NEMP2: variants seen among roughly 807,000 people sequenced by gnomAD.
NEMP2 encodes UPF0571 transmembrane protein.
A neutral mutation model predicts 54.2 loss-of-function variants in NEMP2; 53 were observed. The observed-to-expected ratio is 0.98, with a 90% CI of 0.78 to 1.23. NEMP2 has a LOEUF of 1.23. Among genes scored for constraint, NEMP2 ranks in the 50% most tolerant of loss-of-function variants. The pLI, the probability that NEMP2 is intolerant of heterozygous loss-of-function variation, is 0.00. For synonymous variants in NEMP2, 197 were observed against 190.3 expected (o/e 1.04, Z -0.29); for missense variants, 455 against 511.3 (o/e 0.89, Z 1.06).
chr2:190,556,759 A>C, the NEMP2 span, among the ~76,000 whole-genome samples: 1 of 152,224 alleles, frequency 6.6e-6, no homozygotes, highest in Non-Finnish European at 1.5e-5. Flanking sequence ...CTAGGAATAC[A>C]ACTTACAAGG....
chr2:190,478,014 T>C, the NEMP2 span, among the ~76,000 whole-genome samples: 2 of 152,166 alleles, frequency 1.3e-5, no homozygotes, highest in African/African-American at 2.4e-5. Flanking sequence ...ATAAGTGGTG[T>C]GCCGGGGCTA....
chr2:190,550,575 C>T, the NEMP2 span, among the ~76,000 whole-genome samples: 1 of 152,170 alleles, frequency 6.6e-6, no homozygotes, highest in African/African-American at 2.4e-5. This position sits in a 1 kb window ranked among gnomAD's most constrained non-coding sequence, Gnocchi z 4.7. Context: ...AATAATAATA[C>T]ACATACTACT....
chr2:190,441,395 T>C, the NEMP2 span, among the ~76,000 whole-genome samples: 1 of 151,786 alleles, frequency 6.6e-6, no homozygotes, highest in South Asian at 2.1e-4. Context: ...AGCTTCCTAG[T>C]TGATTCTAGT....
chr2:190,470,594 G>A, the NEMP2 span, among the ~76,000 whole-genome samples: 12 of 152,138 alleles, frequency 7.9e-5, no homozygotes, highest in Non-Finnish European at 4.4e-5. Context: ...GACGGTCCAG[G>A]CTACTAAATC....
At chr2:190,431,815 AT>A in the NEMP2 span, among the ~76,000 whole-genome samples, 1 of 152,042 alleles carries the variant, frequency 6.6e-6, no homozygotes, top group Admixed American at 6.6e-5. This position sits in a 1 kb window ranked among gnomAD's most constrained non-coding sequence, Gnocchi z 4.4. Flanking sequence ...TATCATCTCA[AT>A]TTTTCATTTA....
At chr2:190,586,354 T>C in the NEMP2 span, among the ~76,000 whole-genome samples, 2 of 152,170 alleles carry the variant, frequency 1.3e-5, no homozygotes, top group African/African-American at 4.8e-5. The surrounding 1 kb of genome is among the most constrained non-coding windows in gnomAD (Gnocchi z 4.5). Flanking sequence ...TGTTTATATA[T>C]AAACAGTCTG....
chr2:190,437,155 G>A, the NEMP2 span: 45 of 1,614,192 alleles, frequency 2.8e-5, no homozygotes, highest in South Asian at 2.3e-4. This position sits in a 1 kb window ranked among gnomAD's most constrained non-coding sequence, Gnocchi z 5.9. Flanking sequence ...CATCGTCTTC[G>A]GCGTTCTCAT....
upstream of NEMP2, among the ~76,000 whole-genome samples, chr2:190,539,089 G>A (rs777518231): frequency 9.8e-5 from 15 of 152,286 alleles, no homozygotes; most frequent in Non-Finnish European, 2.1e-4. The surrounding 1 kb of genome is among the most constrained non-coding windows in gnomAD (Gnocchi z 4.1). Context: ...TCAGGTCTTA[G>A]ATTTAAGCCT....
At chr2:190,593,170 C>T in the NEMP2 span, among the ~76,000 whole-genome samples, 3 of 152,200 alleles carry the variant, frequency 2.0e-5, no homozygotes, top group African/African-American at 7.2e-5. This position sits in a 1 kb window ranked among gnomAD's most constrained non-coding sequence, Gnocchi z 4.5. Flanking sequence ...GTTTGTAAAA[C>T]TCCCGATCAG....
chr2:190,436,533 C>G, the NEMP2 span: 1 of 1,614,242 alleles, frequency 6.2e-7, no homozygotes, highest in East Asian at 2.2e-5. The surrounding 1 kb of genome is among the most constrained non-coding windows in gnomAD (Gnocchi z 5.3). Context: ...CAACAACTCA[C>G]CCCACCAATG....
chr2:190,493,144 A>T, the NEMP2 span, among the ~76,000 whole-genome samples: 10 of 152,032 alleles, frequency 6.6e-5, no homozygotes, highest in Non-Finnish European at 2.9e-5. Flanking sequence ...GACTCGCCTA[A>T]CACATAGGAA....
At chr2:190,499,990 G>A (rs998229863), downstream of NEMP2, 8 of 1,611,628 alleles carry the variant, frequency 5.0e-6, no homozygotes, top group Non-Finnish European at 6.8e-6. This position sits in a 1 kb window ranked among gnomAD's most constrained non-coding sequence, Gnocchi z 6.0. Flanking sequence ...CTGATCATGG[G>A]GCATCTCCTG....
chr2:190,646,053 A>G, the NEMP2 span, among the ~76,000 whole-genome samples: 8 of 152,272 alleles, frequency 5.3e-5, no homozygotes, highest in Non-Finnish European at 1.2e-4. Context: ...GAATAAATGA[A>G]TAATTTCAAT....
chr2:190,534,783 A>T, upstream of NEMP2: 8 of 635,176 alleles, frequency 1.3e-5, no homozygotes, highest in South Asian at 7.7e-5. Context: ...AAAGGCGGAG[A>T]CCCCGCCTCC....
At chr2:190,640,787 ATTTTT>A in the NEMP2 span, among the ~76,000 whole-genome samples, 16 of 118,010 alleles carry the variant, frequency 1.4e-4, no homozygotes, top group South Asian at 2.7e-4. Flanking sequence ...AACACATTCA[ATTTTT>A]TTTTTTTTTT....
upstream of NEMP2, among the ~76,000 whole-genome samples, chr2:190,536,320 C>A (rs1461127482): frequency 6.6e-6 from 1 of 152,156 alleles, no homozygotes; most frequent in East Asian, 1.9e-4. Context: ...CTGGCAAAGA[C>A]CCCCTGCTTC....
the NEMP2 span, among the ~76,000 whole-genome samples, chr2:190,576,163 G>T: frequency 5.9e-5 from 9 of 152,074 alleles, no homozygotes; most frequent in Non-Finnish European, 7.4e-5. Context: ...TAGAGACAGG[G>T]TCTCGCTATG....
At chr2:190,464,442 G>A in the NEMP2 span, among the ~76,000 whole-genome samples, 2 of 152,066 alleles carry the variant, frequency 1.3e-5, no homozygotes, top group Admixed American at 6.5e-5. Flanking sequence ...CTCACACCCT[G>A]TGTTGTTTCT....
chr2:190,511,775 C>CA (rs1690375285), intron 7 of NEMP2, among the ~76,000 whole-genome samples: 1 of 151,094 alleles, frequency 6.6e-6, no homozygotes, highest in South Asian at 2.1e-4. Flanking sequence ...AGGCTGGTCT[C>CA]AAACTCTTGA....
Sources: allele counts gnomAD v4.1 joint callset (sites outside exome capture counted in the v4.1 genomes callset), GRCh38; gene constraint gnomAD v4.1.1; non-coding constraint Gnocchi (gnomAD v3.1); transcripts MANE v1.5; gene names NCBI Gene and HGNC (gene_info 2026-07-23, HGNC 2026-07-21).